Variants in PVT1 observed in about 807,000 individuals in gnomAD.
PVT1 encodes the protein Pvt1 oncogene, also known as CXCR4/PVT1 fusion.
intron 2 of PVT1, among the ~76,000 whole-genome samples, chr8:127,824,199 G>A (rs1486168143): frequency 6.6e-6 from 1 of 152,094 alleles, no homozygotes; most frequent in East Asian, 1.9e-4. Context: ...GGAACTATCT[G>A]GCTTCATCCT....
intron 5 of PVT1, among the ~76,000 whole-genome samples, chr8:128,074,563 TCC>T (rs1320454322): frequency 2.6e-5 from 4 of 151,494 alleles, no homozygotes; most frequent in Non-Finnish European, 4.4e-5. Flanking sequence ...CACTCATTTC[TCC>T]CATAACATGT....
At chr8:127,851,212 T>A (rs1313224252) in intron 2 of PVT1, among the ~76,000 whole-genome samples, 2 of 152,148 alleles carry the variant, frequency 1.3e-5, no homozygotes, top group Admixed American at 1.3e-4. Flanking sequence ...TTTGCTGGCT[T>A]GTTTGTCACA....
At chr8:128,031,433 C>T (rs543101114) in intron 4 of PVT1, among the ~76,000 whole-genome samples, 2 of 151,918 alleles carry the variant, frequency 1.3e-5, no homozygotes, top group African/African-American at 2.4e-5. Flanking sequence ...TAGGGAGGCA[C>T]GGGGAGCATT....
intron 3 of PVT1, among the ~76,000 whole-genome samples, chr8:127,962,323 G>T (rs76050319): frequency 0.014 from 2,117 of 152,298 alleles, 62 homozygotes; most frequent in African/African-American, 0.048. Context: ...CACATTTAGG[G>T]GGTTGTTGTT....
rs6985900 is a variant in PVT1 at position 127,974,979 on chromosome 8, T to G, written n.783-14183T>G. Reference sequence around the variant, plus strand: ...TTGATGTACCCTAAATATTTTTTCATTTTATTAAAGCAGCTTACAAATGAT... The same window carrying G: ...TTGATGTACCCTAAATATTTTTTCAGTTTATTAAAGCAGCTTACAAATGAT... On this transcript the variant is annotated intron_variant and non_coding_transcript_variant, in intron 3 of 10. Coordinates refer to ENST00000651587, the Ensembl canonical transcript of PVT1. 4.4e-3 allele frequency among the ~76,000 whole-genome samples: 663 copies of G among 152,340 alleles called. 7 individuals carry two copies. Among genetic ancestry groups the G allele is most frequent in the African/African-American group, 0.015 (634 of 41,566 alleles).
chr8:127,801,690 G>A (rs1814466274), intron 2 of PVT1, among the ~76,000 whole-genome samples: 1 of 152,152 alleles, frequency 6.6e-6, no homozygotes, highest in Non-Finnish European at 1.5e-5. Context: ...GCCAGGTCCA[G>A]GCTGGCAGTG....
chr8:127,893,357 A>C (rs892899173), intron 3 of PVT1, among the ~76,000 whole-genome samples: 1 of 151,910 alleles, frequency 6.6e-6, no homozygotes, highest in African/African-American at 2.4e-5. Flanking sequence ...GCTCACTGCA[A>C]CCTCCACCTC....
chr8:127,959,127 T>C (rs1262982900), intron 3 of PVT1, among the ~76,000 whole-genome samples: 4 of 152,160 alleles, frequency 2.6e-5, no homozygotes, highest in African/African-American at 9.7e-5. Flanking sequence ...AGATTTGGGA[T>C]GTCTTCTGAG....
At chr8:128,010,095 T>C (rs548413059) in intron 4 of PVT1, 1 of 152,242 alleles carries the variant, frequency 6.6e-6, no homozygotes, top group Admixed American at 6.5e-5. Context: ...ATTGGACATA[T>C]TGTACATCAA....
intron 2 of PVT1, among the ~76,000 whole-genome samples, chr8:127,874,384 A>G (rs993719204): frequency 2.0e-5 from 3 of 152,200 alleles, no homozygotes; most frequent in Non-Finnish European, 4.4e-5. Context: ...AACAGCAGGT[A>G]CAGAAGCCCA....
intron 4 of PVT1, among the ~76,000 whole-genome samples, chr8:128,049,662 G>C (rs541549485): frequency 6.6e-6 from 1 of 152,070 alleles, no homozygotes. Flanking sequence ...AGTTTGGAAG[G>C]CACTGGCAGG....
intron 5 of PVT1, among the ~76,000 whole-genome samples, chr8:128,075,262 A>G (rs1814070614): frequency 6.6e-6 from 1 of 152,146 alleles, no homozygotes; most frequent in Non-Finnish European, 1.5e-5. Context: ...TTCATTCACC[A>G]GAGCACTTGT....
At chr8:128,019,808 A>C (rs551594382) in intron 4 of PVT1, among the ~76,000 whole-genome samples, 4 of 152,276 alleles carry the variant, frequency 2.6e-5, no homozygotes, top group Admixed American at 6.5e-5. Context: ...GCAGCTTGGC[A>C]CTCGGAGGCT....
At chr8:128,018,936 C>T (rs1405587453) in intron 4 of PVT1, among the ~76,000 whole-genome samples, 2 of 152,162 alleles carry the variant, frequency 1.3e-5, no homozygotes, top group Non-Finnish European at 2.9e-5. Context: ...GCAGATGAGC[C>T]GCGAGGTTTG....
chr8:127,808,961 C>T (rs542221246), intron 2 of PVT1, among the ~76,000 whole-genome samples: 6 of 122,278 alleles, frequency 4.9e-5, no homozygotes, highest in Admixed American at 1.1e-4. Context: ...ACCCGGGAGG[C>T]GGAGGTTGCA....
intron 2 of PVT1, among the ~76,000 whole-genome samples, chr8:127,861,292 C>T (rs1431802180): frequency 6.6e-6 from 1 of 152,158 alleles, no homozygotes; most frequent in Non-Finnish European, 1.5e-5. Flanking sequence ...TCAAACAGGT[C>T]GATGACTAGG....
At chr8:127,929,116 C>A (rs141737371) in intron 3 of PVT1, among the ~76,000 whole-genome samples, 2 of 151,130 alleles carry the variant, frequency 1.3e-5, no homozygotes, top group Non-Finnish European at 2.9e-5. Flanking sequence ...GGGGGTTTAG[C>A]GGGTGGGAAA....
intron 4 of PVT1, among the ~76,000 whole-genome samples, chr8:128,067,172 C>T (rs934813821): frequency 6.6e-6 from 1 of 152,178 alleles, no homozygotes; most frequent in Non-Finnish European, 1.5e-5. Flanking sequence ...ATCTAACAAT[C>T]CTCATGTTGA....
At chr8:127,998,929 T>C (rs1817142468) in intron 4 of PVT1, among the ~76,000 whole-genome samples, 1 of 151,326 alleles carries the variant, frequency 6.6e-6, no homozygotes, top group African/African-American at 2.4e-5. Flanking sequence ...GGGCTTATCT[T>C]GTATATTTCC....
Sources: gnomAD v4.1 joint callset for allele counts (sites outside exome capture counted in the v4.1 genomes callset) on GRCh38, gnomAD v4.1.1 for gene constraint, MANE v1.5 for transcripts, NCBI Gene and HGNC (gene_info 2026-07-23, HGNC 2026-07-21) for gene names.